The following RAPH1 variants were observed in gnomAD, a reference collection of about 807,000 sequenced individuals.
RAPH1 encodes Ras association (RalGDS/AF-6) and pleckstrin homology domains 1.
In RAPH1, 18 loss-of-function variants were observed where a neutral mutation model predicts 88.1. The ratio of observed to expected loss-of-function variants is 0.20; its 90% confidence interval spans 0.14 to 0.30. The LOEUF is 0.30. Ranked by LOEUF, RAPH1 falls within the 10% of genes least tolerant of loss-of-function variation. The pLI is 1.00. For missense variants in RAPH1, 1,448 were observed against 1,543.2 expected (o/e 0.94, Z 1.03); for synonymous variants, 587 against 559.0 (o/e 1.05, Z -0.71).
rs1197382939 is a variant in RAPH1 at position 203,439,604 on chromosome 2, T to C, written c.3586A>G (p.Thr1196Ala). 10 of 1,614,092 alleles carry C rather than the reference T, an allele frequency of 6.2e-6. No individual in the cohort carries two copies. Among genetic ancestry groups the C allele is most frequent in the Non-Finnish European group, 8.5e-6 (10 of 1,180,014 alleles). Residue 1196 changes from threonine to alanine, a missense_variant, in exon 14 of 14, where the codon ACC becomes GCC. Thr to Ala is a moderately conservative substitution (Grantham distance 58). Transcript: ENST00000319170. ...GGAGGCAATGCCATATCATCCATGG[T>C]GGCTGTTGGTTCTGCTCTGGACATG... The part of the protein sequence containing the change: ...SRMSRAEPTA[T>A]MDDMALPPPP...
chr2:203,484,207 C>G (rs1687861362), intron 4 of RAPH1, among the ~76,000 whole-genome samples: 2 of 152,132 alleles, frequency 1.3e-5, no homozygotes, highest in African/African-American at 4.8e-5. Flanking sequence ...TTCCTTAAAT[C>G]TAAGAAGATT....
At chr2:203,476,266 G>A (rs1687438634) in intron 4 of RAPH1, among the ~76,000 whole-genome samples, 1 of 152,024 alleles carries the variant, frequency 6.6e-6, no homozygotes, top group African/African-American at 2.4e-5. Context: ...CGCCTCTTGG[G>A]TTCAAGCAAT....
chr2:203,510,954 A>G (rs1216603655), intron 1 of RAPH1, among the ~76,000 whole-genome samples: 1 of 152,178 alleles, frequency 6.6e-6, no homozygotes, highest in African/African-American at 2.4e-5. Context: ...AAAAAAAACT[A>G]AAAGTTTAAG....
At chr2:203,512,215 G>A (rs188459908) in intron 1 of RAPH1, among the ~76,000 whole-genome samples, 4 of 151,840 alleles carry the variant, frequency 2.6e-5, no homozygotes, top group Admixed American at 6.6e-5. Context: ...GACCACTTGA[G>A]GTCAGAAGTT....
At chr2:203,447,353 C>T (rs1021785192) in intron 12 of RAPH1, 3 of 152,020 alleles carry the variant, frequency 2.0e-5, no homozygotes, top group African/African-American at 7.3e-5. Context: ...GTGGACAGCA[C>T]TAGGAAATGT....
At chr2:203,463,204 A>G (rs969272586) in intron 4 of RAPH1, among the ~76,000 whole-genome samples, 2 of 128,854 alleles carry the variant, frequency 1.6e-5, no homozygotes, top group Non-Finnish European at 3.2e-5. Flanking sequence ...TCCATCTCAA[A>G]AAAAAAAAAA....
chr2:203,526,581 C>T (rs1319693516), intron 1 of RAPH1, among the ~76,000 whole-genome samples: 10 of 151,520 alleles, frequency 6.6e-5, no homozygotes, highest in South Asian at 2.1e-4. Flanking sequence ...AAAAATTAGC[C>T]GGGTGTGGTG....
Position 203,461,264 on chromosome 2 carries a change from A to G in RAPH1, c.955T>C (p.Ser319Pro). The G allele has an allele frequency of 6.3e-7, 1 of 1,582,328 alleles. No homozygotes were observed. The highest frequency in any genetic ancestry group is 8.6e-7 in the Non-Finnish European group (1 of 1,163,816). ...SLDWSLVETVSELQMERIFED... is the reference protein window; with the variant it reads ...SLDWSLVETVPELQMERIFED... Reference sequence around the variant, plus strand: ...TATTACTAACCCATTTGTAATTCAGAAACGGTTTCTACCAGTGACCAGTCT... The same window carrying G: ...TATTACTAACCCATTTGTAATTCAGGAACGGTTTCTACCAGTGACCAGTCT... The change falls in exon 6 of 14, where the codon TCT becomes CCT. Residue 319 changes from serine (S) to proline (P), a missense_variant. Coordinates refer to ENST00000319170, the MANE Select transcript of RAPH1 (RefSeq NM_213589.3).
intron 1 of RAPH1, among the ~76,000 whole-genome samples, chr2:203,510,465 A>G (rs976154273): frequency 2.6e-4 from 40 of 152,100 alleles, no homozygotes; most frequent in Admixed American, 2.3e-3. Context: ...GAGAATAGAA[A>G]TGGGAAAAAG....
chr2:203,441,076 G>C lies in RAPH1; in HGVS notation c.2114C>G (p.Pro705Arg), dbSNP rs745344697. 13 of 1,586,340 alleles carry C rather than the reference G, an allele frequency of 8.2e-6. No homozygotes were observed. The highest frequency in any genetic ancestry group is 1.1e-5 in the South Asian group (1 of 89,156). The change falls in exon 14 of 14, where the codon CCC becomes CGC. Residue 705 changes from proline (P) to arginine (R), a missense_variant. Physicochemically the swap from Pro to Arg is moderately radical, Grantham distance 103 (BLOSUM62 -2). Coordinates refer to ENST00000319170, the MANE Select transcript of RAPH1 (RefSeq NM_213589.3). ...AGGGGGTGGTGGAACAACTCCATTG[G>C]GGGGTACCAGGATCTGAGGCTTCAC... is the stretch of plus-strand genomic sequence containing the variant. The part of the protein sequence containing the change: ...QSVKPQILVP[P>R]NGVVPPPPPP...
At chr2:203,512,865 C>G (rs1472805701) in intron 1 of RAPH1, among the ~76,000 whole-genome samples, 17 of 152,092 alleles carry the variant, frequency 1.1e-4, no homozygotes, top group Admixed American at 1.1e-3. Flanking sequence ...ACCTGGTGAT[C>G]CGCCCACCTT....
At position 203,448,984 on chromosome 2, in the gene RAPH1, A is replaced by C. The variant is rs1036568610; in HGVS notation, c.1414-148T>G. On this transcript the variant is annotated intron_variant, in intron 10 of 13. Coordinates refer to ENST00000319170, the MANE Select transcript of RAPH1 (RefSeq NM_213589.3). The surrounding 1 kb of genome is among the most constrained non-coding windows in gnomAD (Gnocchi z 4.1). ...TGCTTCTTATATGGCCATAAGGCCA[A>C]ATAAAGTAGCCCATAAGAATTTTTA... 1.2e-5 allele frequency: 5 copies of C among 419,826 alleles called. No homozygotes were observed. The highest frequency in any genetic ancestry group is 2.1e-5 in the Non-Finnish European group (5 of 240,008). 26.0% of individuals were successfully genotyped at this position (419,826 alleles called of 1,614,324 possible).
rs1581243729 is a variant in RAPH1 at position 203,440,855 on chromosome 2, G to A, written c.2335C>T (p.Pro779Ser). 6.5e-7 allele frequency: 1 copy of A among 1,532,534 alleles called. No homozygotes were observed. Among genetic ancestry groups the A allele is most frequent in the Non-Finnish European group, 8.9e-7 (1 of 1,128,424 alleles). 94.9% of individuals were successfully genotyped at this position (1,532,534 alleles called of 1,614,324 possible). A position where few individuals can be genotyped will look rare whatever the true frequency, so the allele number is the denominator to read the frequency against. Residue 779 changes from proline (P) to serine (S), a missense_variant, in exon 14 of 14, where the codon CCA becomes TCA. Around this residue, in one of 2 missense-constraint regions of RAPH1, gnomAD observed 935 missense variants for 890.1 expected, o/e 1.05. Transcript: ENST00000319170. ...GCGGGGATGGTCACAAGGGGTTTTGGGGGAGCTTGGGGAGGGAGGGGTGCA... is the reference window on the plus strand; with the variant it reads ...GCGGGGATGGTCACAAGGGGTTTTGAGGGAGCTTGGGGAGGGAGGGGTGCA... ...IPAPLPPQAP[P>S]KPLVTIPAPT...
chr2:203,523,780 G>A (rs988992230), intron 1 of RAPH1, among the ~76,000 whole-genome samples: 92 of 152,344 alleles, frequency 6.0e-4, no homozygotes, highest in African/African-American at 2.1e-3. Flanking sequence ...GCCGAGGCAG[G>A]TGGATCACCA....
At chr2:203,534,863 C>T (rs558368087) in intron 1 of RAPH1, among the ~76,000 whole-genome samples, 2 of 152,182 alleles carry the variant, frequency 1.3e-5, no homozygotes, top group East Asian at 3.9e-4. Context: ...CCGTCGCGGT[C>T]CCCAGGGGCG....
At chr2:203,446,166 C>T (rs552218862) in intron 12 of RAPH1, 10 of 152,320 alleles carry the variant, frequency 6.6e-5, no homozygotes, top group South Asian at 2.1e-4. Context: ...TCTCCTATAA[C>T]GGCTTCTCAG....
chr2:203,527,064 G>A (rs1005436331), intron 1 of RAPH1, among the ~76,000 whole-genome samples: 6 of 152,066 alleles, frequency 3.9e-5, no homozygotes, highest in South Asian at 4.1e-4. Context: ...GATTACAGGC[G>A]TGAGCCACCG....
intron 1 of RAPH1, among the ~76,000 whole-genome samples, chr2:203,529,170 G>C (rs1391064051): frequency 2.0e-5 from 3 of 151,372 alleles, no homozygotes; most frequent in Non-Finnish European, 4.4e-5. Flanking sequence ...TGTAGAGACA[G>C]GGTTTTGCCA....
intron 1 of RAPH1, among the ~76,000 whole-genome samples, chr2:203,534,699 A>C (rs957753813): frequency 6.6e-6 from 1 of 152,180 alleles, no homozygotes; most frequent in African/African-American, 2.4e-5. Context: ...GGGGGCATCG[A>C]AACCCAAGCA....
Sources: allele counts gnomAD v4.1 joint callset (sites outside exome capture counted in the v4.1 genomes callset), GRCh38; gene constraint gnomAD v4.1.1; regional missense constraint gnomAD v4.1.1; non-coding constraint Gnocchi (gnomAD v3.1); transcripts MANE v1.5; gene names NCBI Gene and HGNC (gene_info 2026-07-23, HGNC 2026-07-21).